The following FRMPD1 variants were observed in gnomAD, a reference collection of about 807,000 sequenced individuals.
FRMPD1 encodes the protein FERM and PDZ domain containing 1, also known as FERM and PDZ domain-containing protein 1.
A neutral mutation model predicts 117.8 loss-of-function variants in FRMPD1; 76 were observed. That is an observed-to-expected ratio of 0.65 (90% confidence interval 0.54 to 0.78). The LOEUF (loss-of-function observed/expected upper bound fraction) is 0.78, where lower values mean the gene tolerates loss of function less well. Among genes scored for constraint, FRMPD1 ranks in the 30% least tolerant of loss-of-function variants. FRMPD1 has a pLI of 0.00. For missense variants in FRMPD1, 1,786 were observed against 1,964.5 expected (o/e 0.91, Z 1.72); for synonymous variants, 783 against 770.4 (o/e 1.02, Z -0.27).
intron 1 of FRMPD1, among the ~76,000 whole-genome samples, chr9:37,674,538 C>G (rs978012635): frequency 6.6e-6 from 1 of 152,140 alleles, no homozygotes; most frequent in African/African-American, 2.4e-5. Context: ...TCAGCAACAC[C>G]CCACTCTACT....
chr9:37,706,983 C>T (rs1199284502), intron 2 of FRMPD1, among the ~76,000 whole-genome samples: 1 of 151,410 alleles, frequency 6.6e-6, no homozygotes, highest in Non-Finnish European at 1.5e-5. Flanking sequence ...TCCATTCATT[C>T]ATTGATTCAC....
chr9:37,638,011 T>C, the FRMPD1 span, among the ~76,000 whole-genome samples: 4 of 126,336 alleles, frequency 3.2e-5, no homozygotes, highest in Non-Finnish European at 1.7e-5. Flanking sequence ...TTTCTTTCTT[T>C]CTTTCTTTCT....
chr9:37,735,869 T>C (rs755377480), intron 13 of FRMPD1, 135 bp downstream of exon 13: 4 of 638,550 alleles, frequency 6.3e-6, no homozygotes, highest in Non-Finnish European at 1.0e-5. Flanking sequence ...GAATTGTCCA[T>C]CCTGTTCTAT....
chr9:37,680,680 TGCAG>T (rs1563928673), intron 1 of FRMPD1, among the ~76,000 whole-genome samples: 1 of 152,150 alleles, frequency 6.6e-6, no homozygotes, highest in Non-Finnish European at 1.5e-5. Context: ...TGGCAGAGGA[TGCAG>T]GCAGCCAGAA....
chr9:37,700,249 C>T (rs1006275892), intron 2 of FRMPD1, among the ~76,000 whole-genome samples: 28 of 152,180 alleles, frequency 1.8e-4, no homozygotes, highest in African/African-American at 6.0e-4. Context: ...AGAATTTCTC[C>T]TTTCAACTGT....
chr9:37,703,010 G>C (rs7871948), intron 2 of FRMPD1, among the ~76,000 whole-genome samples: 30,854 of 152,082 alleles, frequency 0.2, 3,391 homozygotes, highest in Non-Finnish European at 0.26. Flanking sequence ...CTCATACTCT[G>C]TTCTAGAACT....
Position 37,729,765 on chromosome 9 carries a change from G to C in FRMPD1, c.650G>C (p.Arg217Pro), listed in dbSNP as rs763070434. The C allele has an allele frequency of 6.2e-7, 1 of 1,613,844 alleles. No individual in the cohort carries two copies. The highest frequency in any genetic ancestry group is 2.2e-5 in the East Asian group (1 of 44,902). ...ILTVKEKLSI[R>P]SIEYFALALE... Reference sequence around the variant, plus strand: ...ACCGTGAAGGAGAAGCTGTCCATCCGAAGTATCGAGTACTTTGCACTGGCC... The same window carrying C: ...ACCGTGAAGGAGAAGCTGTCCATCCCAAGTATCGAGTACTTTGCACTGGCC... Residue 217 changes from arginine to proline, a missense_variant, in exon 8 of 16, where the codon CGA becomes CCA. Transcript: ENST00000377765.
chr9:37,677,711 A>T (rs1021429320), intron 1 of FRMPD1, among the ~76,000 whole-genome samples: 3 of 152,198 alleles, frequency 2.0e-5, no homozygotes, highest in African/African-American at 7.2e-5. Context: ...GCACTGTGAA[A>T]GCTTGGAAGG....
At chr9:37,609,695 A>C in the FRMPD1 span, among the ~76,000 whole-genome samples, 49 of 152,254 alleles carry the variant, frequency 3.2e-4, no homozygotes, top group Non-Finnish European at 6.3e-4. Flanking sequence ...GCAAGTTCAA[A>C]ACCTTTCAGC....
chr9:37,739,985 C>T (rs1441409904), intron 14 of FRMPD1, 93 bp from the exon 15 acceptor site: 22 of 940,272 alleles, frequency 2.3e-5, no homozygotes, highest in Non-Finnish European at 2.9e-5. Flanking sequence ...TCAGTTTTCT[C>T]GTCTGGCAGG....
chr9:37,671,304 AG>A (rs1414617995), intron 1 of FRMPD1, among the ~76,000 whole-genome samples: 1 of 152,232 alleles, frequency 6.6e-6, no homozygotes, highest in African/African-American at 2.4e-5. Flanking sequence ...GAATAGTTGT[AG>A]GAAACTTGAA....
chr9:37,642,994 G>C, the FRMPD1 span, among the ~76,000 whole-genome samples: 1 of 152,026 alleles, frequency 6.6e-6, no homozygotes, highest in Non-Finnish European at 1.5e-5. Context: ...AAGTATTTTT[G>C]AGTGTATCTC....
chr9:37,745,471 ACT>A lies in FRMPD1; in HGVS notation c.3442_3443del (p.Leu1148Ter). 6.2e-7 allele frequency: 1 copy of A among 1,613,756 alleles called. No homozygotes were observed. The highest frequency in any genetic ancestry group is 2.2e-5 in the East Asian group (1 of 44,884). On this transcript the variant is annotated frameshift_variant, in exon 16 of 16. Coordinates refer to ENST00000377765, the MANE Select transcript of FRMPD1 (RefSeq NM_014907.3). LOFTEE classifies it high-confidence loss of function. ...TGATGTGTCAAATAATGTTTCACAG[ACT>A]CTTGATATTAGCTCTCCAGCTGGTA... ...PGDVSNNVSQ[T>X]LDISSPAGKI...
Position 37,731,104 on chromosome 9 carries a change from G to C in FRMPD1, c.858+1G>C. The C allele has an allele frequency of 6.2e-7, 1 of 1,613,570 alleles. No homozygotes were observed. Among genetic ancestry groups the C allele is most frequent in the East Asian group, 2.2e-5 (1 of 44,882 alleles). On this transcript the variant is annotated splice_donor_variant, in intron 9 of 15. Transcript: ENST00000377765. LOFTEE classifies it high-confidence loss of function. ...GGCCTTTGAATACCTCTATCTGCAG[G>C]TGACTGGGTCTGTGCTTCCTAAAAT...
the FRMPD1 span, among the ~76,000 whole-genome samples, chr9:37,621,923 A>G: frequency 1.3e-5 from 2 of 152,142 alleles, no homozygotes; most frequent in Non-Finnish European, 2.9e-5. Context: ...TCACAATAGT[A>G]CCACGTAAGA....
At chr9:37,690,801 CT>C (rs2118015062) in intron 1 of FRMPD1, among the ~76,000 whole-genome samples, 1 of 152,130 alleles carries the variant, frequency 6.6e-6, no homozygotes, top group Non-Finnish European at 1.5e-5. Context: ...GCTGGAAAGT[CT>C]AATATTGAGG....
rs1177814796 is a variant in FRMPD1 at position 37,745,224 on chromosome 9, A to G, written c.3192A>G (p.Ile1064Met). The G allele has an allele frequency of 6.2e-7, 1 of 1,613,152 alleles. No homozygotes were observed. The highest frequency in any genetic ancestry group is 8.5e-7 in the Non-Finnish European group (1 of 1,179,160). Residue 1064 changes from isoleucine (I) to methionine (M), a missense_variant, in exon 16 of 16, where the codon ATA (isoleucine) becomes ATG (methionine). Ile to Met is a conservative substitution (Grantham distance 10). Transcript: ENST00000377765. The stretch of plus-strand genomic sequence containing the variant: ...TGGAATCTTTTTGTACAAATCATAT[A>G]CAAGAAACTGCCCCCAAATACACAG... ...MGLESFCTNHIQETAPKYTEP... is the reference protein window; with the variant it reads ...MGLESFCTNHMQETAPKYTEP...
At chr9:37,676,506 A>G (rs954307568) in intron 1 of FRMPD1, among the ~76,000 whole-genome samples, 4 of 152,124 alleles carry the variant, frequency 2.6e-5, no homozygotes, top group Non-Finnish European at 5.9e-5. Flanking sequence ...TCGAGTTGGC[A>G]TTCATTCACA....
intron 1 of FRMPD1, among the ~76,000 whole-genome samples, chr9:37,657,454 C>T (rs1820876490): frequency 6.6e-6 from 1 of 152,242 alleles, no homozygotes; most frequent in Non-Finnish European, 1.5e-5. Context: ...TCTCTGTTCT[C>T]TCTGGCTTTC....
Sources: gnomAD v4.1 joint callset for allele counts (sites outside exome capture counted in the v4.1 genomes callset) on GRCh38, gnomAD v4.1.1 for gene constraint, MANE v1.5 for transcripts, NCBI Gene and HGNC (gene_info 2026-07-23, HGNC 2026-07-21) for gene names.